The following OR5P2 variants were observed in gnomAD, a reference collection of about 807,000 sequenced individuals.
OR5P2 encodes the protein olfactory receptor family 5 subfamily P member 2.
For synonymous variants in OR5P2, 165 were observed against 145.6 expected (o/e 1.13, Z -0.96); for missense variants, 455 against 382.3 (o/e 1.19, Z -1.59).
chr11:7,796,360 G>A lies in OR5P2; in HGVS notation c.583C>T (p.Leu195Phe), dbSNP rs769876662. 1.9e-6 allele frequency: 3 copies of A among 1,605,066 alleles called. 1 individual carries two copies. Among genetic ancestry groups the A allele is most frequent in the Non-Finnish European group, 2.5e-6 (3 of 1,178,600 alleles). Residue 195 changes from leucine (L) to phenylalanine (F), a missense_variant, in exon 1 of 1, where the codon CTC becomes TTC. By Grantham distance (22) the Leu-to-Phe change is conservative. Coordinates refer to ENST00000329434, the MANE Select transcript of OR5P2 (RefSeq NM_153444.1). Reference sequence around the variant, plus strand: ...ATGATGGATCCAGAAGAAAATGAGAGAACAACTGTGGAGACACTGATATCA... The same window carrying A: ...ATGATGGATCCAGAAGAAAATGAGAAAACAACTGTGGAGACACTGATATCA... ...CSDISVSTVV[L>F]SFSSGSIIVV...
rs1366709553 is a variant in OR5P2, at chr11:7,796,473, G to A, written c.470C>T (p.Thr157Ile). 12 of 1,603,120 alleles carry A rather than the reference G, an allele frequency of 7.5e-6. 2 individuals are homozygous for A. The highest frequency in any genetic ancestry group is 9.3e-6 in the Non-Finnish European group (11 of 1,177,038). The change falls in exon 1 of 1, where the codon ACT (threonine) becomes ATT (isoleucine). Residue 157 changes from threonine to isoleucine, a missense_variant. Physicochemically the swap from Thr to Ile is moderately conservative, Grantham distance 89. Coordinates refer to ENST00000329434, the MANE Select transcript of OR5P2 (RefSeq NM_153444.1). The stretch of plus-strand genomic sequence containing the variant: ...ACAGAAGAGTAAAAAATAGAAGGAA[G>A]TAGTATAGGAGACAGCAATGAGAAA... ...AGFLIAVSYTTSFYFLLFCGP... is the reference protein window; with the variant it reads ...AGFLIAVSYTISFYFLLFCGP...
At position 7,796,836 on chromosome 11, in the gene OR5P2, G is replaced by GATATGCTTACCAGGTAGATGC; in HGVS notation, c.106_107insGCATCTACCTGGTAAGCATAT (p.Leu35_Ser36insCysIleTyrLeuValSerIle). The GATATGCTTACCAGGTAGATGC allele has an allele frequency of 6.3e-7, 1 of 1,582,448 alleles. No individual in the cohort carries two copies. The highest frequency in any genetic ancestry group is 8.6e-7 in the Non-Finnish European group (1 of 1,159,732). On this transcript the variant is annotated inframe_insertion, in exon 1 of 1. Coordinates refer to ENST00000329434, the MANE Select transcript of OR5P2 (RefSeq NM_153444.1). ...AAGAATAATTATGCTGAGATTACCA[G>GATATGCTTACCAGGTAGATGC]ATAGGATGATCATGAAGAGGATGAC...
rs766981632 is a variant in OR5P2, at chr11:7,796,572, C to G, written c.371G>C (p.Ser124Thr). The G allele has an allele frequency of 6.2e-7, 1 of 1,605,652 alleles. No homozygotes were observed. The highest frequency in any genetic ancestry group is 8.5e-7 in the Non-Finnish European group (1 of 1,178,800). ...MAYDRFVAIC[S>T]PLLYSTKMST... is the part of the protein sequence containing the mutation. ...CATTTTGGTTGAATAAAGCAGTGGA[C>G]TGCAAATTGCCACAAAGCGGTCATA... Residue 124 changes from serine to threonine, a missense_variant, in exon 1 of 1, where the codon AGT becomes ACT. Ser to Thr is a moderately conservative substitution (Grantham distance 58). Coordinates refer to ENST00000329434, the MANE Select transcript of OR5P2 (RefSeq NM_153444.1).
chr11:7,796,305 C>G lies in OR5P2; in HGVS notation c.638G>C (p.Cys213Ser), dbSNP rs76615008. ...GATGGTGATGAGGATATAGATGTAG[C>G]AGACGGCTATGACACACACAGTGAC... ...IVVTVCVIAVCYIYILITILK... is the reference protein window; with the variant it reads ...IVVTVCVIAVSYIYILITILK... Residue 213 changes from cysteine (C) to serine (S), a missense_variant, in exon 1 of 1, where the codon TGC (cysteine) becomes TCC (serine). Cys to Ser is a moderately radical substitution (Grantham distance 112, BLOSUM62 -1). Transcript: ENST00000329434. 0.27 allele frequency: 428,983 copies of G among 1,603,406 alleles called. 71,063 individuals are homozygous for G. The highest frequency in any genetic ancestry group is 0.34 in the African/African-American group (23,280 of 68,698).
rs767067395 is a variant in OR5P2, at chr11:7,796,480, A to G, written c.463T>C (p.Tyr155His). ...AGTAAAAAATAGAAGGAAGTAGTATAGGAGACAGCAATGAGAAAACCAGCT... is the reference window on the plus strand; with the variant it reads ...AGTAAAAAATAGAAGGAAGTAGTATGGGAGACAGCAATGAGAAAACCAGCT... ...YIAGFLIAVS[Y>H]TTSFYFLLFC... is the part of the protein sequence containing the mutation. Residue 155 changes from tyrosine to histidine, a missense_variant, in exon 1 of 1, where the codon TAT (tyrosine) becomes CAT (histidine). Coordinates refer to ENST00000329434, the MANE Select transcript of OR5P2 (RefSeq NM_153444.1). The G allele has an allele frequency of 1.9e-6, 3 of 1,605,248 alleles. 1 individual carries two copies. The highest frequency in any genetic ancestry group is 2.9e-5 in the African/African-American group (2 of 69,596).
chr11:7,796,177 C>T lies in OR5P2; in HGVS notation c.766G>A (p.Val256Met). The change falls in exon 1 of 1, where the codon GTG (valine) becomes ATG (methionine). Residue 256 changes from valine to methionine, a missense_variant. By Grantham distance (21) the Val-to-Met change is conservative. Transcript: ENST00000329434. ...GTTGAGTAGCTAAAATTGGGCATCA[C>T]ATAAATGAAGGTAATGGTCCCATAG... ...LFYGTITFIY[V>M]MPNFSYSTDQ... is the part of the protein sequence containing the mutation. 1.2e-6 allele frequency: 2 copies of T among 1,605,002 alleles called. No individual in the cohort carries two copies. The highest frequency in any genetic ancestry group is 1.7e-6 in the Non-Finnish European group (2 of 1,178,694).
In OR5P2 at chr11:7,796,418, AC is replaced by A; in HGVS notation, c.524del (p.Cys175LeufsTer36). On this transcript the variant is annotated frameshift_variant, in exon 1 of 1. Coordinates refer to ENST00000329434, the MANE Select transcript of OR5P2 (RefSeq NM_153444.1). LOFTEE classifies it low-confidence loss of function (END_TRUNC). ...AGAGTTCAAGTAAGGGAGCGAAATC[AC>A]AGAAAAAATGATTGACTTGATTTGG... ...CGPNQVNHFFCDFAPLLELSC... is the reference protein window; with the variant it reads ...CGPNQVNHFFXDFAPLLELSC... 2.5e-6 allele frequency: 4 copies of A among 1,604,876 alleles called. No individual in the cohort carries two copies. The highest frequency in any genetic ancestry group is 3.4e-6 in the Non-Finnish European group (4 of 1,178,308).
At position 7,796,845 on chromosome 11, in the gene OR5P2, A is replaced by C. The variant is rs767575802; in HGVS notation, c.98T>G (p.Ile33Ser). 3 of 1,596,598 alleles carry C rather than the reference A, an allele frequency of 1.9e-6. 1 individual carries two copies. The highest frequency in any genetic ancestry group is 2.6e-6 in the Non-Finnish European group (3 of 1,171,732). ...TATGCTGAGATTACCAGATAGGATGATCATGAAGAGGATGACTCGAAGGAT... is the reference window on the plus strand; with the variant it reads ...TATGCTGAGATTACCAGATAGGATGCTCATGAAGAGGATGACTCGAAGGAT... Reference protein sequence around the residue: ...DPILRVILFMIILSGNLSIII... With the variant: ...DPILRVILFMSILSGNLSIII... Residue 33 changes from isoleucine (I) to serine (S), a missense_variant, in exon 1 of 1, where the codon ATC (isoleucine) becomes AGC (serine). By Grantham distance (142) the Ile-to-Ser change is moderately radical. Coordinates refer to ENST00000329434, the MANE Select transcript of OR5P2 (RefSeq NM_153444.1).
In OR5P2 at chr11:7,796,481, G is replaced by C; in HGVS notation, c.462C>G (p.Ser154=). The part of the protein sequence containing the change: ...VYIAGFLIAV[S]YTTSFYFLLF... ...GTAAAAAATAGAAGGAAGTAGTATA[G>C]GAGACAGCAATGAGAAAACCAGCTA... Residue 154 remains serine, a synonymous_variant, in exon 1 of 1, where the codon TCC becomes TCG. Coordinates refer to ENST00000329434, the MANE Select transcript of OR5P2 (RefSeq NM_153444.1). 1 of 1,605,144 alleles carries C rather than the reference G, an allele frequency of 6.2e-7. No individual in the cohort carries two copies. Among genetic ancestry groups the C allele is most frequent in the Non-Finnish European group, 8.5e-7 (1 of 1,178,450 alleles).
Position 7,796,510 on chromosome 11 carries a change from A to G in OR5P2, c.433T>C (p.Tyr145His). 6.2e-7 allele frequency: 1 copy of G among 1,605,196 alleles called. No homozygotes were observed. Among genetic ancestry groups the G allele is most frequent in the South Asian group, 1.1e-5 (1 of 90,386 alleles). The change falls in exon 1 of 1, where the codon TAC (tyrosine) becomes CAC (histidine). Residue 145 changes from tyrosine to histidine, a missense_variant. By Grantham distance (83) the Tyr-to-His change is moderately conservative. Coordinates refer to ENST00000329434, the MANE Select transcript of OR5P2 (RefSeq NM_153444.1). ...QVSVQLLLVV[Y>H]IAGFLIAVSY... Reference sequence around the variant, plus strand: ...ACAGCAATGAGAAAACCAGCTATGTAAACTACTAAGAGTAGCTGGACACTG... The same window carrying G: ...ACAGCAATGAGAAAACCAGCTATGTGAACTACTAAGAGTAGCTGGACACTG...
Position 7,796,782 on chromosome 11 carries a change from G to C in OR5P2, c.161C>G (p.Pro54Arg). The change falls in exon 1 of 1, where the codon CCT becomes CGT. Residue 54 changes from proline to arginine, a missense_variant. Physicochemically the swap from Pro to Arg is moderately radical, Grantham distance 103. Transcript: ENST00000329434. ...CAAGTGGCTCAGAAAGAAATACATAGGATGATGGAGCTGAGAAGAAATTCT... is the reference window on the plus strand; with the variant it reads ...CAAGTGGCTCAGAAAGAAATACATACGATGATGGAGCTGAGAAGAAATTCT... ...LIRISSQLHH[P>R]MYFFLSHLAF... 1.9e-6 allele frequency: 3 copies of C among 1,600,758 alleles called. No individual in the cohort carries two copies. Among genetic ancestry groups the C allele is most frequent in the Non-Finnish European group, 2.6e-6 (3 of 1,175,190 alleles).
In OR5P2 at chr11:7,796,489, C is replaced by A; in HGVS notation, c.454G>T (p.Ala152Ser). 6.2e-7 allele frequency: 1 copy of A among 1,605,108 alleles called. No homozygotes were observed. The highest frequency in any genetic ancestry group is 1.1e-5 in the South Asian group (1 of 90,386). Residue 152 changes from alanine to serine, a missense_variant, in exon 1 of 1, where the codon GCT becomes TCT. Coordinates refer to ENST00000329434, the MANE Select transcript of OR5P2 (RefSeq NM_153444.1). ...LVVYIAGFLI[A>S]VSYTTSFYFL... ...TAGAAGGAAGTAGTATAGGAGACAGCAATGAGAAAACCAGCTATGTAAACT... is the reference window on the plus strand; with the variant it reads ...TAGAAGGAAGTAGTATAGGAGACAGAAATGAGAAAACCAGCTATGTAAACT...
rs1271751476 is a variant in OR5P2 at position 7,796,830 on chromosome 11, T to C, written c.113A>G (p.Asn38Ser). 1 of 1,580,298 alleles carries C rather than the reference T, an allele frequency of 6.3e-7. No individual in the cohort carries two copies. Among genetic ancestry groups the C allele is most frequent in the Admixed American group, 1.7e-5 (1 of 59,488 alleles). ...TCTGATAAGAATAATTATGCTGAGATTACCAGATAGGATGATCATGAAGAG... is the reference window on the plus strand; with the variant it reads ...TCTGATAAGAATAATTATGCTGAGACTACCAGATAGGATGATCATGAAGAG... ...VILFMIILSG[N>S]LSIIILIRIS... Residue 38 changes from asparagine to serine, a missense_variant, in exon 1 of 1, where the codon AAT becomes AGT. Asn to Ser is a conservative substitution (Grantham distance 46). Transcript: ENST00000329434.
Position 7,796,395 on chromosome 11 carries a change from A to G in OR5P2, c.548T>C (p.Leu183Pro), listed in dbSNP as rs750078624. ...FFCDFAPLLE[L>P]SCSDISVSTV... ...GGAGACACTGATATCAGAACAGGAGAGTTCAAGTAAGGGAGCGAAATCACA... is the reference window on the plus strand; with the variant it reads ...GGAGACACTGATATCAGAACAGGAGGGTTCAAGTAAGGGAGCGAAATCACA... Residue 183 changes from leucine (L) to proline (P), a missense_variant, in exon 1 of 1, where the codon CTC becomes CCC. Coordinates refer to ENST00000329434, the MANE Select transcript of OR5P2 (RefSeq NM_153444.1). The G allele has an allele frequency of 1.9e-6, 3 of 1,604,550 alleles. No homozygotes were observed. Among genetic ancestry groups the G allele is most frequent in the Non-Finnish European group, 2.5e-6 (3 of 1,178,138 alleles).
Position 7,796,694 on chromosome 11 carries a change from C to G in OR5P2, c.249G>C (p.Val83=). ...VTPNMLVNFL[V]ERNTVSYLGC... ...CAAGGTAGGAGACTGTATTTCTCTC[C>G]ACCAGGAAGTTTACAAGCATGTTGG... The change falls in exon 1 of 1, where the codon GTG becomes GTC. Residue 83 remains valine, a synonymous_variant. Coordinates refer to ENST00000329434, the MANE Select transcript of OR5P2 (RefSeq NM_153444.1). 6.2e-7 allele frequency: 1 copy of G among 1,605,494 alleles called. No individual in the cohort carries two copies. Among genetic ancestry groups the G allele is most frequent in the Non-Finnish European group, 8.5e-7 (1 of 1,178,742 alleles).
Position 7,796,925 on chromosome 11 carries a change from G to A in OR5P2, c.18C>T (p.Asp6=), listed in dbSNP as rs140666195. 57 of 1,571,820 alleles carry A rather than the reference G, an allele frequency of 3.6e-5. 2 individuals are homozygous for A. In the Admixed American group the frequency reaches 5.1e-4, roughly 14 times the overall value. The change falls in exon 1 of 1, where the codon GAC becomes GAT. Residue 6 remains aspartate (D), a synonymous_variant. Transcript: ENST00000329434. MNSLK[D]GNHTALTGFI... is the part of the protein sequence containing the mutation. ...ACCCCGTCAGAGCGGTGTGATTCCC[G>A]TCCTTCAGGGAATTCATGAGACGAA...
chr11:7,796,900 A>C lies in OR5P2; in HGVS notation c.43T>G (p.Phe15Val). The C allele has an allele frequency of 3.8e-6, 6 of 1,593,312 alleles. 1 individual carries two copies. In the South Asian group the frequency reaches 6.8e-5, roughly 18 times the overall value. The change falls in exon 1 of 1, where the codon TTC becomes GTC. Residue 15 changes from phenylalanine (F) to valine (V), a missense_variant. Transcript: ENST00000329434. ...TCATCTGTTAAGCCCAATAGGATGA[A>C]CCCCGTCAGAGCGGTGTGATTCCCG... is the stretch of plus-strand genomic sequence containing the variant. ...KDGNHTALTG[F>V]ILLGLTDDPI... is the part of the protein sequence containing the mutation.
chr11:7,796,091 CA>C lies in OR5P2; in HGVS notation c.851del (p.Leu284ArgfsTer14), dbSNP rs556662411. ...YTVVIPMLNPLIYSLRNKEIK... is the reference protein window; with the variant it reads ...YTVVIPMLNPXIYSLRNKEIK... ...TCTCCTTGTTCCTGAGGCTGTAGAT[CA>C]GGGGGTTCAACATGGGAATCACCAC... On this transcript the variant is annotated frameshift_variant, in exon 1 of 1. Transcript: ENST00000329434. LOFTEE classifies it low-confidence loss of function (END_TRUNC). 8.8e-4 allele frequency: 1,413 copies of C among 1,605,460 alleles called. 231 individuals carry two copies. In the African/African-American group the frequency reaches 0.018, roughly 20 times the overall value.
Position 7,796,423 on chromosome 11 carries a change from A to C in OR5P2, c.520T>G (p.Phe174Val). ...TCAAGTAAGGGAGCGAAATCACAGA[A>C]AAAATGATTGACTTGATTTGGTCCA... ...FCGPNQVNHF[F>V]CDFAPLLELS... is the part of the protein sequence containing the mutation. The change falls in exon 1 of 1, where the codon TTC becomes GTC. Residue 174 changes from phenylalanine to valine, a missense_variant. Transcript: ENST00000329434. 6.2e-7 allele frequency: 1 copy of C among 1,605,004 alleles called. No individual in the cohort carries two copies. Among genetic ancestry groups the C allele is most frequent in the Non-Finnish European group, 8.5e-7 (1 of 1,178,406 alleles).
Sources: allele counts gnomAD v4.1 joint callset, GRCh38; gene constraint gnomAD v4.1.1; transcripts MANE v1.5; gene names NCBI Gene and HGNC (gene_info 2026-07-23, HGNC 2026-07-21).